DLG2: variants seen among roughly 807,000 people sequenced by gnomAD.
The protein encoded by DLG2 is disks large homolog 2.
In DLG2, 45 loss-of-function variants were observed where a neutral mutation model predicts 132.5. The ratio of observed to expected loss-of-function variants is 0.34; its 90% CI spans 0.27 to 0.44. The LOEUF (loss-of-function observed/expected upper bound fraction) is 0.44, where lower values mean the gene tolerates loss of function less well. Ranked by LOEUF, DLG2 falls within the 20% of genes least tolerant of loss-of-function variation. The pLI, the probability that DLG2 is intolerant of heterozygous loss-of-function variation, is 1.00. For synonymous variants in DLG2, 424 were observed against 419.6 expected (o/e 1.01, Z -0.13); for missense variants, 1,045 against 1,196.9 (o/e 0.87, Z 1.87).
At position 85,025,120 on chromosome 11, in the gene DLG2, G is replaced by T. The variant is rs495399; in HGVS notation, c.357+86541C>A. Among the ~76,000 whole-genome samples, 11 of 152,182 alleles carry T rather than the reference G, an allele frequency of 7.2e-5. No individual in the cohort carries two copies. In the East Asian group the frequency reaches 1.2e-3, roughly 16 times the overall value. On this transcript the variant is annotated intron_variant, in intron 6 of 27. Transcript: ENST00000376104. Reference sequence around the variant, plus strand: ...ATGGAGAAGCATTTTTAAATTAAACGTATTCTATAATTGTAGATAAATTTT... The same window carrying T: ...ATGGAGAAGCATTTTTAAATTAAACTTATTCTATAATTGTAGATAAATTTT...
chr11:84,305,266 C>T (rs2098203085), intron 7 of DLG2, among the ~76,000 whole-genome samples: 1 of 151,848 alleles, frequency 6.6e-6, no homozygotes, highest in African/African-American at 2.4e-5. Flanking sequence ...TAGTGAAATG[C>T]CTGCATATAT....
At chr11:84,807,469 C>A (rs938046572) in intron 6 of DLG2, among the ~76,000 whole-genome samples, 6 of 151,454 alleles carry the variant, frequency 4.0e-5, no homozygotes, top group African/African-American at 1.2e-4. Flanking sequence ...AACAAAAAAG[C>A]AAAAAAAGAA....
chr11:85,342,407 C>T (rs1283450786), intron 3 of DLG2, among the ~76,000 whole-genome samples: 3 of 152,158 alleles, frequency 2.0e-5, no homozygotes, highest in South Asian at 2.1e-4. Context: ...ATGTCACTGT[C>T]TTCCACCTGC....
chr11:84,088,957 G>C (rs2097042309), intron 10 of DLG2, among the ~76,000 whole-genome samples: 1 of 152,098 alleles, frequency 6.6e-6, no homozygotes, highest in African/African-American at 2.4e-5. Context: ...ACTTGGATTT[G>C]GAAGCACTAG....
At chr11:83,817,888 A>G (rs994369090) in intron 17 of DLG2, among the ~76,000 whole-genome samples, 6 of 152,232 alleles carry the variant, frequency 3.9e-5, no homozygotes, top group Non-Finnish European at 8.8e-5. Flanking sequence ...AAATAAATAA[A>G]TAAAATAAAG....
chr11:85,150,489 A>G (rs755725340), intron 5 of DLG2, among the ~76,000 whole-genome samples: 2 of 152,042 alleles, frequency 1.3e-5, no homozygotes, highest in Non-Finnish European at 2.9e-5. Flanking sequence ...ATAACCAATA[A>G]ACATTAATTC....
chr11:83,972,706 G>A (rs2091559359), intron 12 of DLG2, among the ~76,000 whole-genome samples: 1 of 152,152 alleles, frequency 6.6e-6, no homozygotes, highest in African/African-American at 2.4e-5. Context: ...TTTATAGAAA[G>A]AATGAAGCAT....
chr11:84,772,266 A>G (rs1313324374), intron 6 of DLG2, among the ~76,000 whole-genome samples: 1 of 152,188 alleles, frequency 6.6e-6, no homozygotes, highest in African/African-American at 2.4e-5. Context: ...ATATATATGC[A>G]CTCAGCATTG....
chr11:84,926,585 T>A (rs1175463420), intron 6 of DLG2, among the ~76,000 whole-genome samples: 1 of 151,682 alleles, frequency 6.6e-6, no homozygotes, highest in Non-Finnish European at 1.5e-5. Flanking sequence ...TAGGGAGAGG[T>A]GTGGGGTGTG....
At position 84,263,949 on chromosome 11, in the gene DLG2, G is replaced by A. The variant is rs575180585; in HGVS notation, c.520-12658C>T. On this transcript the variant is annotated intron_variant, in intron 7 of 27. Transcript: ENST00000376104. ...GGCACTTGGGCGCTCATTACAAGACGAACAGGGTACAGGATATTTTAGTTT... is the reference window on the plus strand; with the variant it reads ...GGCACTTGGGCGCTCATTACAAGACAAACAGGGTACAGGATATTTTAGTTT... Among the ~76,000 whole-genome samples the A allele has an allele frequency of 2.0e-5, 3 of 152,198 alleles. No individual in the cohort carries two copies. The South Asian group carries it at 6.2e-4, about 32-fold the overall frequency.
chr11:84,845,397 C>A (rs1198646261), intron 6 of DLG2, among the ~76,000 whole-genome samples: 1 of 152,082 alleles, frequency 6.6e-6, no homozygotes, highest in African/African-American at 2.4e-5. Context: ...ATTCTCTGCT[C>A]TCCTGGCACT....
At chr11:85,106,571 C>A (rs1359255911) in intron 6 of DLG2, among the ~76,000 whole-genome samples, 17 of 151,968 alleles carry the variant, frequency 1.1e-4, no homozygotes, top group Admixed American at 1.1e-3. Flanking sequence ...CATGCACTCC[C>A]TTCTGGAATG....
intron 7 of DLG2, among the ~76,000 whole-genome samples, chr11:84,292,053 G>A (rs544558679): frequency 2.6e-5 from 4 of 152,202 alleles, no homozygotes; most frequent in Admixed American, 2.0e-4. Context: ...ACATCATGAC[G>A]GAATGACTAT....
intron 12 of DLG2, among the ~76,000 whole-genome samples, chr11:83,968,265 T>C (rs543285062): frequency 6.4e-4 from 98 of 152,310 alleles, no homozygotes; most frequent in African/African-American, 2.1e-3. Context: ...TAGTTAATCC[T>C]TGGTGATGTA....
intron 5 of DLG2, among the ~76,000 whole-genome samples, chr11:85,127,794 A>G (rs1287350088): frequency 6.6e-6 from 1 of 152,202 alleles, no homozygotes; most frequent in Middle Eastern, 3.2e-3. Flanking sequence ...AAATCATTTT[A>G]GCTTTTCCAA....
chr11:85,116,685 T>C (rs970652772), intron 5 of DLG2, among the ~76,000 whole-genome samples: 2 of 151,942 alleles, frequency 1.3e-5, no homozygotes, highest in Non-Finnish European at 2.9e-5. Flanking sequence ...GGTGGAAATA[T>C]GTGCACAAAA....
intron 14 of DLG2, among the ~76,000 whole-genome samples, chr11:83,945,241 G>A (rs11233834): frequency 0.076 from 11,626 of 152,152 alleles, 604 homozygotes; most frequent in Non-Finnish European, 0.12. Context: ...TCATCATTGC[G>A]CTACAGTCTG....
At chr11:83,558,934 A>G (rs148148697) in intron 19 of DLG2, among the ~76,000 whole-genome samples, 220 of 151,550 alleles carry the variant, frequency 1.5e-3, no homozygotes, top group Non-Finnish European at 2.3e-3. Flanking sequence ...CTCATCTAGC[A>G]TGGCAGATGA....
intron 6 of DLG2, among the ~76,000 whole-genome samples, chr11:84,734,263 T>C (rs1413193078): frequency 6.6e-6 from 1 of 152,140 alleles, no homozygotes; most frequent in Non-Finnish European, 1.5e-5. Context: ...ATTCTTCCTA[T>C]CCAGGAGCAT....
Sources: gnomAD v4.1 joint callset for allele counts (sites outside exome capture counted in the v4.1 genomes callset) on GRCh38, gnomAD v4.1.1 for gene constraint, MANE v1.5 for transcripts, NCBI Gene and HGNC (gene_info 2026-07-23, HGNC 2026-07-21) for gene names.